The following RALGPS1 variants were observed in gnomAD, a reference collection of about 807,000 sequenced individuals.
RALGPS1 encodes ras-specific guanine nucleotide-releasing factor RalGPS1.
In RALGPS1, 19 loss-of-function variants were observed where a neutral mutation model predicts 78.8. That is an observed-to-expected ratio of 0.24 (90% confidence interval 0.17 to 0.35). The LOEUF is 0.35. Among genes scored for constraint, RALGPS1 ranks in the 10% least tolerant of loss-of-function variants. The pLI is 1.00. For missense variants in RALGPS1, 454 were observed against 688.3 expected, an observed-to-expected ratio of 0.66 and a Z score of 3.81; for synonymous variants, 228 against 256.3, an observed-to-expected ratio of 0.89 and a Z score of 1.06.
At chr9:127,052,702 A>T (rs62580846) in intron 6 of RALGPS1, 145 bp from the exon 7 acceptor site, 265,243 of 623,922 alleles carry the variant, frequency 0.43, 61,284 homozygotes, top group Non-Finnish European at 0.48. Flanking sequence ...TATGGTTTCT[A>T]TGAAATCCTT....
chr9:127,196,733 C>G, intron 13 of RALGPS1, 102 bp downstream of exon 13: 1 of 1,373,240 alleles, frequency 7.3e-7, no homozygotes, highest in South Asian at 1.5e-5. Context: ...GTGGCGCTAT[C>G]ATTCTTGGGG....
intron 11 of RALGPS1, among the ~76,000 whole-genome samples, chr9:127,181,904 A>G (rs1429689128): frequency 2.6e-5 from 4 of 151,938 alleles, no homozygotes; most frequent in African/African-American, 4.8e-5. Flanking sequence ...TGGGAGACTC[A>G]AGAACAAAGG....
intron 1 of RALGPS1, among the ~76,000 whole-genome samples, chr9:126,943,438 T>C (rs1226385489): frequency 6.6e-6 from 1 of 152,214 alleles, no homozygotes; most frequent in Non-Finnish European, 1.5e-5. Flanking sequence ...CCACCGTGCC[T>C]GGCCTTATGT....
At position 127,205,054 on chromosome 9, in the gene RALGPS1, C is replaced by T. The variant is rs1223064715; in HGVS notation, c.1247+5988C>T. Among the ~76,000 whole-genome samples the T allele has an allele frequency of 6.6e-6, 1 of 152,228 alleles. No homozygotes were observed. ...CTACCGCAGAGGACCTCACTGTCCCCCACACCTGTGGCTGAGGCCAGGATC... is the reference window on the plus strand; with the variant it reads ...CTACCGCAGAGGACCTCACTGTCCCTCACACCTGTGGCTGAGGCCAGGATC... On this transcript the variant is annotated intron_variant, in intron 14 of 18. Coordinates refer to ENST00000259351, the MANE Select transcript of RALGPS1 (RefSeq NM_014636.3). The surrounding 1 kb of genome is among the most constrained non-coding windows in gnomAD (Gnocchi z 4.0).
chr9:126,980,672 G>A (rs1442934072), intron 4 of RALGPS1, among the ~76,000 whole-genome samples: 1 of 152,084 alleles, frequency 6.6e-6, no homozygotes, highest in Non-Finnish European at 1.5e-5. Context: ...TTTTTCTTGC[G>A]TAGTTACTAA....
chr9:127,200,008 G>A (rs1229825503), intron 14 of RALGPS1, among the ~76,000 whole-genome samples: 3 of 152,056 alleles, frequency 2.0e-5, no homozygotes, highest in Non-Finnish European at 4.4e-5. Flanking sequence ...GCAGTGTCAC[G>A]TACACAGGCA....
chr9:127,157,769 A>G (rs1362833943), intron 8 of RALGPS1, among the ~76,000 whole-genome samples: 1 of 152,120 alleles, frequency 6.6e-6, no homozygotes, highest in Non-Finnish European at 1.5e-5. Context: ...TGTGATAACT[A>G]ATCATATCAC....
At chr9:127,149,841 T>G (rs551946056) in intron 8 of RALGPS1, among the ~76,000 whole-genome samples, 2 of 152,326 alleles carry the variant, frequency 1.3e-5, no homozygotes, top group East Asian at 3.9e-4. Context: ...CCCACCTGGA[T>G]GAAGAAGGTC....
chr9:127,146,834 G>A (rs1034448471), intron 8 of RALGPS1, among the ~76,000 whole-genome samples: 16 of 152,266 alleles, frequency 1.1e-4, no homozygotes, highest in African/African-American at 3.4e-4. Context: ...GTGAGCCACC[G>A]CACCCAGCCT....
At chr9:127,020,242 C>T (rs887788298) in intron 4 of RALGPS1, among the ~76,000 whole-genome samples, 2 of 152,150 alleles carry the variant, frequency 1.3e-5, no homozygotes, top group Admixed American at 1.3e-4. Flanking sequence ...TTTTAGCATA[C>T]TCATCAAATA....
intron 1 of RALGPS1, among the ~76,000 whole-genome samples, chr9:126,929,905 A>G (rs1433966656): frequency 1.3e-5 from 2 of 152,054 alleles, no homozygotes; most frequent in African/African-American, 2.4e-5. Context: ...CAGTAGTGCA[A>G]TCATAGCTCA....
At chr9:126,954,732 G>A (rs957635975) in intron 1 of RALGPS1, among the ~76,000 whole-genome samples, 6 of 152,330 alleles carry the variant, frequency 3.9e-5, no homozygotes, top group African/African-American at 7.2e-5. Flanking sequence ...AACCTGGGAG[G>A]TGGATGTTGC....
intron 8 of RALGPS1, among the ~76,000 whole-genome samples, chr9:127,082,930 T>C (rs2051320949): frequency 6.6e-6 from 1 of 152,112 alleles, no homozygotes; most frequent in South Asian, 2.1e-4. Flanking sequence ...AAGGGCAGCG[T>C]ACCCAGGAAG....
intron 4 of RALGPS1, among the ~76,000 whole-genome samples, chr9:126,989,445 A>G (rs2042088852): frequency 4.6e-5 from 7 of 152,214 alleles, no homozygotes; most frequent in Admixed American, 4.6e-4. Context: ...TAGAGGTGTT[A>G]GGACCCGGCT....
At chr9:127,197,669 A>C (rs1435717761) in intron 13 of RALGPS1, among the ~76,000 whole-genome samples, 3 of 152,122 alleles carry the variant, frequency 2.0e-5, no homozygotes, top group Non-Finnish European at 4.4e-5. Flanking sequence ...TCCTCAGAGG[A>C]GGTCATCCTG....
Position 127,183,809 on chromosome 9 carries a change from G to A in RALGPS1, c.910+9027G>A, listed in dbSNP as rs187527614. The A allele has an allele frequency of 3.8e-3, 5,617 of 1,463,120 alleles. 14 individuals carry two copies. The highest frequency in any genetic ancestry group is 4.9e-3 in the Middle Eastern group (28 of 5,720). The allele number at this position is 1,463,120 out of a possible 1,614,324, so 90.6% of individuals were successfully genotyped here. ...AGGGGCCCTCCATGAGGACCTCAGG[G>A]ATAGGAGGCCAGTTGTGGCCCATTA... On this transcript the variant is annotated intron_variant, in intron 11 of 18. Coordinates refer to ENST00000259351, the MANE Select transcript of RALGPS1 (RefSeq NM_014636.3). This position sits in a 1 kb window ranked among gnomAD's most constrained non-coding sequence, Gnocchi z 4.0.
rs781710590 is a variant in RALGPS1 at position 127,218,195 on chromosome 9, C to T, written c.1645-545C>T. ...ACTCTGACCTTGGGGCTAGTGGTCC[C>T]GCCAGTAAAGGGGTCTAGGATCTTG... On this transcript the variant is annotated intron_variant, in intron 18 of 18. Transcript: ENST00000259351. This position sits in a 1 kb window ranked among gnomAD's most constrained non-coding sequence, Gnocchi z 4.4. 3.3e-5 allele frequency among the ~76,000 whole-genome samples: 5 copies of T among 152,090 alleles called. No individual in the cohort carries two copies. The highest frequency in any genetic ancestry group is 5.9e-5 in the Non-Finnish European group (4 of 68,020).
Position 127,127,625 on chromosome 9 carries a change from CCCTGTTGGAGCA to C in RALGPS1, c.611-38440_611-38429del, listed in dbSNP as rs968796141. The stretch of plus-strand genomic sequence containing the variant: ...GAAAGAGATGTACTGTCCTCACAAG[CCCTGTTGGAGCA>C]CCTTATGTAGCTACTTGTGATGTGC... On this transcript the variant is annotated intron_variant, in intron 8 of 18. Coordinates refer to ENST00000259351, the MANE Select transcript of RALGPS1 (RefSeq NM_014636.3). 4.7e-4 allele frequency among the ~76,000 whole-genome samples: 71 copies of C among 152,202 alleles called. 1 individual carries two copies. Among genetic ancestry groups the C allele is most frequent in the African/African-American group, 1.7e-3 (70 of 41,458 alleles).
chr9:127,160,022 T>C lies in RALGPS1; in HGVS notation c.611-6047T>C, dbSNP rs950756876. ...CCCCTCAACACAGCAGAATTTTCCT[T>C]ATTAAAAAGATAGCTGTATGAGAAA... On this transcript the variant is annotated intron_variant, in intron 8 of 18. Coordinates refer to ENST00000259351, the MANE Select transcript of RALGPS1 (RefSeq NM_014636.3). Among the ~76,000 whole-genome samples, 5 of 152,290 alleles carry C rather than the reference T, an allele frequency of 3.3e-5. No homozygotes were observed. The Middle Eastern group carries it at 0.01, about 311-fold the overall frequency.
Sources: gnomAD v4.1 joint callset for allele counts (sites outside exome capture counted in the v4.1 genomes callset) on GRCh38, gnomAD v4.1.1 for gene constraint, Gnocchi (gnomAD v3.1) non-coding constraint, MANE v1.5 for transcripts, NCBI Gene and HGNC (gene_info 2026-07-23, HGNC 2026-07-21) for gene names.